The following RIMS1 variants were observed in gnomAD, a reference collection of about 807,000 sequenced individuals.
RIMS1 encodes the protein regulating synaptic membrane exocytosis protein 1.
A neutral mutation model predicts 214.1 loss-of-function variants in RIMS1; 83 were observed. That is an observed-to-expected ratio of 0.39 (90% CI 0.32 to 0.47). The LOEUF is 0.47. Among genes scored for constraint, RIMS1 ranks in the 20% least tolerant of loss-of-function variants. The pLI is 0.99. For missense variants in RIMS1, 2,050 were observed against 2,161.8 expected (o/e 0.95, Z 1.03); for synonymous variants, 793 against 786.8 (o/e 1.01, Z -0.13).
chr6:72,097,239 GCATC>G, intron 3 of RIMS1, 77 bp downstream of exon 3: 1 of 1,269,944 alleles, frequency 7.9e-7, no homozygotes, highest in Non-Finnish European at 1.1e-6. Context: ...GAGAACACGT[GCATC>G]TTAGAAAGCA....
In RIMS1 at chr6:72,015,964, A is replaced by T. The variant is rs768784281; in HGVS notation, c.245+46901A>T. Among the ~76,000 whole-genome samples the T allele has an allele frequency of 8.4e-4, 128 of 152,142 alleles. 1 individual carries two copies. Among genetic ancestry groups the T allele is most frequent in the Admixed American group, 1.3e-3 (20 of 15,270 alleles). On this transcript the variant is annotated intron_variant, in intron 2 of 33. Coordinates refer to ENST00000521978, the MANE Select transcript of RIMS1 (RefSeq NM_014989.7). The stretch of plus-strand genomic sequence containing the variant: ...GTATATTAGGTGCTTCTCATAGAGG[A>T]CATTTATCAAATTGAGAAAGTTCTA...
intron 1 of RIMS1, among the ~76,000 whole-genome samples, chr6:71,927,571 C>T (rs1324387276): frequency 6.6e-6 from 1 of 152,032 alleles, no homozygotes; most frequent in African/African-American, 2.4e-5. Flanking sequence ...GTGAACTTGA[C>T]TGTGTGAAAA....
chr6:72,397,685 G>A (rs1488633692), intron 31 of RIMS1, among the ~76,000 whole-genome samples: 1 of 152,146 alleles, frequency 6.6e-6, no homozygotes, highest in Non-Finnish European at 1.5e-5. Flanking sequence ...AATAGTTTAT[G>A]TAAATAACCT....
chr6:72,101,842 G>A (rs2033657170), intron 4 of RIMS1, among the ~76,000 whole-genome samples: 1 of 151,754 alleles, frequency 6.6e-6, no homozygotes, highest in Non-Finnish European at 1.5e-5. Flanking sequence ...TTCATCCTCA[G>A]CCTAAATCAT....
At chr6:72,138,848 G>T (rs1220437669) in intron 4 of RIMS1, among the ~76,000 whole-genome samples, 3 of 152,118 alleles carry the variant, frequency 2.0e-5, no homozygotes, top group Admixed American at 2.0e-4. Flanking sequence ...ATCTTATGTT[G>T]CTGGTGGAAG....
In RIMS1 at chr6:72,322,915, C is replaced by G. The variant is rs550192033; in HGVS notation, c.4130+9243C>G. On this transcript the variant is annotated intron_variant, in intron 28 of 33. Coordinates refer to ENST00000521978, the MANE Select transcript of RIMS1 (RefSeq NM_014989.7). ...CTTCATACGTTGACCAGTGACCTGTCTATGCACAGGGAAGTTTCCAGGAAA... is the reference window on the plus strand; with the variant it reads ...CTTCATACGTTGACCAGTGACCTGTGTATGCACAGGGAAGTTTCCAGGAAA... Among the ~76,000 whole-genome samples, 11 of 152,160 alleles carry G rather than the reference C, an allele frequency of 7.2e-5. No individual in the cohort carries two copies. In the South Asian group the frequency reaches 2.3e-3, roughly 32 times the overall value.
intron 19 of RIMS1, chr6:72,261,835 A>G: frequency 1.0e-6 from 1 of 985,254 alleles, no homozygotes; most frequent in African/African-American, 1.7e-5. Context: ...TTGGAGTGCC[A>G]CAGGAAAAAA....
At chr6:72,074,350 T>A (rs938162454) in intron 2 of RIMS1, among the ~76,000 whole-genome samples, 2 of 152,200 alleles carry the variant, frequency 1.3e-5, no homozygotes, top group African/African-American at 4.8e-5. Context: ...AATACTAAAA[T>A]GTAGGTCTGA....
At chr6:72,263,589 A>G in intron 19 of RIMS1, 5 of 985,416 alleles carry the variant, frequency 5.1e-6, no homozygotes, top group Non-Finnish European at 6.0e-6. Flanking sequence ...CAATGCTTAG[A>G]AAAGTTTTAT....
At chr6:71,978,053 G>A (rs1230010151) in intron 2 of RIMS1, among the ~76,000 whole-genome samples, 1 of 152,128 alleles carries the variant, frequency 6.6e-6, no homozygotes. Context: ...GTGGAATTTG[G>A]CCACATGCCA....
intron 1 of RIMS1, among the ~76,000 whole-genome samples, chr6:71,894,446 A>G (rs1295300738): frequency 1.9e-5 from 2 of 102,950 alleles, no homozygotes; most frequent in Non-Finnish European, 4.4e-5. Flanking sequence ...ACTCTGTCTG[A>G]AAAAAAAAAG....
At chr6:72,340,726 A>G (rs962200453) in intron 29 of RIMS1, among the ~76,000 whole-genome samples, 2 of 152,038 alleles carry the variant, frequency 1.3e-5, no homozygotes. Context: ...TGATGCCTCC[A>G]GCTTTGTTCT....
At chr6:71,938,746 G>A (rs1043197166) in intron 1 of RIMS1, among the ~76,000 whole-genome samples, 7 of 152,168 alleles carry the variant, frequency 4.6e-5, no homozygotes, top group African/African-American at 1.7e-4. Flanking sequence ...AACCTTGAAT[G>A]TCTCTGAAAT....
chr6:71,999,271 A>C (rs1804389333), intron 2 of RIMS1, among the ~76,000 whole-genome samples: 1 of 152,090 alleles, frequency 6.6e-6, no homozygotes, highest in Non-Finnish European at 1.5e-5. Context: ...CCATATTGAA[A>C]TACATTGGAA....
At chr6:72,057,443 A>T (rs1021160071) in intron 2 of RIMS1, among the ~76,000 whole-genome samples, 1 of 150,700 alleles carries the variant, frequency 6.6e-6, no homozygotes, top group East Asian at 1.9e-4. Flanking sequence ...CTTCTCTACT[A>T]GTTAAAGGTT....
intron 29 of RIMS1, among the ~76,000 whole-genome samples, chr6:72,346,253 G>T (rs1211889659): frequency 1.3e-5 from 2 of 151,734 alleles, no homozygotes; most frequent in Non-Finnish European, 3.0e-5. Context: ...TAAAGAAAAG[G>T]TATCAGTGAC....
intron 22 of RIMS1, among the ~76,000 whole-genome samples, chr6:72,270,296 A>T (rs979073128): frequency 6.6e-6 from 1 of 152,234 alleles, no homozygotes; most frequent in African/African-American, 2.4e-5. Flanking sequence ...ATATTTAAGG[A>T]CTAAAATGAA....
intron 6 of RIMS1, among the ~76,000 whole-genome samples, chr6:72,195,920 A>G (rs1187844449): frequency 6.6e-6 from 1 of 152,052 alleles, no homozygotes; most frequent in Non-Finnish European, 1.5e-5. Context: ...GAGCGAGAGT[A>G]TGAAGGAGGA....
chr6:72,016,500 T>G lies in RIMS1; in HGVS notation c.245+47437T>G, dbSNP rs1361901501. ...GATAGGAAGAAAGGAATGGAATAAGTGAAAGTGAAAATAGCATAAAACATA... is the reference window on the plus strand; with the variant it reads ...GATAGGAAGAAAGGAATGGAATAAGGGAAAGTGAAAATAGCATAAAACATA... On this transcript the variant is annotated intron_variant, in intron 2 of 33. Transcript: ENST00000521978. Among the ~76,000 whole-genome samples the G allele has an allele frequency of 2.0e-5, 3 of 152,194 alleles. No homozygotes were observed. The East Asian group carries it at 5.8e-4, about 29-fold the overall frequency.
Sources: gnomAD v4.1 joint callset for allele counts (sites outside exome capture counted in the v4.1 genomes callset) on GRCh38, gnomAD v4.1.1 for gene constraint, MANE v1.5 for transcripts, NCBI Gene and HGNC (gene_info 2026-07-23, HGNC 2026-07-21) for gene names.